TSEN2: variants seen among roughly 807,000 people sequenced by gnomAD.
The protein encoded by TSEN2 is tRNA-splicing endonuclease subunit Sen2.
A neutral mutation model predicts 59.2 loss-of-function variants in TSEN2; 54 were observed. That is an observed-to-expected ratio of 0.91 (90% CI 0.73 to 1.14). TSEN2 has a LOEUF of 1.14. TSEN2 is among the 50% of genes most tolerant of loss of function. The probability of loss-of-function intolerance (pLI) is 0.00; values close to 1 mark genes in which losing one functional copy is unlikely to be tolerated. For missense variants in TSEN2, 636 were observed against 576.2 expected, an observed-to-expected ratio of 1.10 and a Z score of -1.06; for synonymous variants, 195 against 198.2, an observed-to-expected ratio of 0.98 and a Z score of 0.14.
intron 3 of TSEN2, among the ~76,000 whole-genome samples, chr3:12,493,495 G>A (rs766040232): frequency 4.6e-5 from 7 of 152,176 alleles, no homozygotes; most frequent in Non-Finnish European, 1.0e-4. Context: ...TTGGGAGGCC[G>A]AGGCGGGCAG....
chr3:12,519,487 T>A (rs1196258191), intron 8 of TSEN2, among the ~76,000 whole-genome samples: 1 of 152,236 alleles, frequency 6.6e-6, no homozygotes, highest in Non-Finnish European at 1.5e-5. Context: ...GGCTTACGCA[T>A]GTAATCCCAG....
At chr3:12,503,147 A>G in intron 4 of TSEN2, 115 bp from the exon 5 acceptor site, 6 of 1,111,150 alleles carry the variant, frequency 5.4e-6, no homozygotes. Context: ...TGCACCATTC[A>G]ATAATACTGC....
downstream of TSEN2, among the ~76,000 whole-genome samples, chr3:12,534,283 A>G (rs1289801518): frequency 1.3e-5 from 2 of 152,154 alleles, no homozygotes; most frequent in Non-Finnish European, 2.9e-5. Flanking sequence ...CATGACGACC[A>G]CCTATGGATC....
rs773883937 is a variant in TSEN2, at chr3:12,519,059, G to A, written c.961G>A (p.Glu321Lys). The A allele has an allele frequency of 7.4e-6, 12 of 1,613,954 alleles. No individual in the cohort carries two copies. The East Asian group carries it at 2.4e-4, about 33-fold the overall frequency. ...LGCLSIYYEK[E>K]PLTIVKLWKA... Reference sequence around the variant, plus strand: ...TTTGTTTTTTTGTAAATAACTTTAGGAGCCTTTAACGATAGTGAAGCTCTG... The same window carrying A: ...TTTGTTTTTTTGTAAATAACTTTAGAAGCCTTTAACGATAGTGAAGCTCTG... The change falls in exon 8 of 12, where the codon GAG becomes AAG. Residue 321 changes from glutamate (E) to lysine (K), a missense_variant and splice_region_variant. By Grantham distance (56) the Glu-to-Lys change is moderately conservative. Coordinates refer to ENST00000284995, the MANE Select transcript of TSEN2 (RefSeq NM_025265.4).
chr3:12,529,708 T>C, intron 9 of TSEN2, 54 bp from the exon 10 acceptor site: 1 of 1,523,476 alleles, frequency 6.6e-7, no homozygotes, highest in Non-Finnish European at 9.1e-7. Flanking sequence ...AATATTCTTT[T>C]TAAACAGATT....
rs757875934 is a variant in TSEN2 at position 12,519,214 on chromosome 3, G to A, written c.1099+17G>A. 2.5e-5 allele frequency: 40 copies of A among 1,614,050 alleles called. No homozygotes were observed. The highest frequency in any genetic ancestry group is 1.3e-4 in the Admixed American group (8 of 60,012). On this transcript the variant is annotated intron_variant, in intron 8 of 11. Transcript: ENST00000284995. ...CAGATTTACGTAAGTAATTCTTGGCGTGGTGTGTGTGAGAATAGAGTTTAT... is the reference window on the plus strand; with the variant it reads ...CAGATTTACGTAAGTAATTCTTGGCATGGTGTGTGTGAGAATAGAGTTTAT...
chr3:12,515,291 A>C (rs2125129373), intron 6 of TSEN2, among the ~76,000 whole-genome samples: 1 of 152,286 alleles, frequency 6.6e-6, no homozygotes, highest in South Asian at 2.1e-4. Flanking sequence ...AAAGAAGCTG[A>C]GTGAGCAGTT....
chr3:12,491,582 G>A (rs559097567), intron 2 of TSEN2, among the ~76,000 whole-genome samples: 5 of 152,296 alleles, frequency 3.3e-5, no homozygotes, highest in South Asian at 4.1e-4. Context: ...TAGACTGAAA[G>A]CATTAGTTAT....
At chr3:12,507,383 A>G (rs930291436) in intron 6 of TSEN2, among the ~76,000 whole-genome samples, 8 of 152,164 alleles carry the variant, frequency 5.3e-5, no homozygotes, top group Non-Finnish European at 7.4e-5. Context: ...GCCTGTCAGA[A>G]CCTCAGATTT....
intron 2 of TSEN2, among the ~76,000 whole-genome samples, chr3:12,491,562 T>A (rs1214088528): frequency 1.3e-5 from 2 of 152,214 alleles, no homozygotes; most frequent in Non-Finnish European, 2.9e-5. Context: ...TGCCCTCGGC[T>A]TATCAGACCT....
upstream of TSEN2, chr3:12,484,439 C>T (rs1475440793): frequency 6.6e-6 from 1 of 152,268 alleles, no homozygotes; most frequent in Non-Finnish European, 1.5e-5. Context: ...GGCTTTGCGG[C>T]CGCACTGCTT....
At chr3:12,521,692 A>G (rs759025409) in intron 8 of TSEN2, among the ~76,000 whole-genome samples, 10 of 151,550 alleles carry the variant, frequency 6.6e-5, no homozygotes, top group Non-Finnish European at 1.3e-4. Context: ...TCCAGCCTGC[A>G]CAAGAGAGTA....
Position 12,516,442 on chromosome 3 carries a change from ATATATGTGTG to A in TSEN2, c.910-167_910-158del, listed in dbSNP as rs1369917612. Among the ~76,000 whole-genome samples the A allele has an allele frequency of 0.067, 5,959 of 89,102 alleles. 260 individuals are homozygous for A. The highest frequency in any genetic ancestry group is 0.16 in the African/African-American group (3,991 of 24,476). The allele number at this position is 89,102 out of a possible 152,430, so 58.5% of individuals were successfully genotyped here. A position where few individuals can be genotyped will look rare whatever the true frequency, so the allele number is the denominator to read the frequency against. On this transcript the variant is annotated intron_variant, in intron 6 of 11. Transcript: ENST00000284995. ...TCCGTTTCAAAAACAAACAAACAAA[ATATATGTGTG>A]TGTGTGTGTGTGTGTGTGTGTGTGT...
chr3:12,535,658 A>G (rs928217483), downstream of TSEN2, among the ~76,000 whole-genome samples: 1 of 152,102 alleles, frequency 6.6e-6, no homozygotes, highest in Non-Finnish European at 1.5e-5. Flanking sequence ...CAGCCTCCCA[A>G]GTAGCTGGGA....
intron 9 of TSEN2, among the ~76,000 whole-genome samples, chr3:12,529,277 C>A (rs2057306814): frequency 6.6e-6 from 1 of 151,982 alleles, no homozygotes; most frequent in Non-Finnish European, 1.5e-5. Context: ...CCAACCTGGC[C>A]AAGATAGTGA....
chr3:12,520,220 G>C (rs186500060), intron 8 of TSEN2, among the ~76,000 whole-genome samples: 14 of 152,240 alleles, frequency 9.2e-5, no homozygotes, highest in Non-Finnish European at 1.9e-4. Flanking sequence ...GGATGGTCTC[G>C]ATCTCCTGAG....
chr3:12,531,801 A>C (rs1304507586), intron 11 of TSEN2, 142 bp downstream of exon 11: 2 of 678,728 alleles, frequency 2.9e-6, no homozygotes, highest in Non-Finnish European at 5.3e-6. Flanking sequence ...TAAGTCTCTC[A>C]CCTTTTCCCC....
At position 12,489,951 on chromosome 3, in the gene TSEN2, G is replaced by A; in HGVS notation, c.151G>A (p.Val51Met). 1 of 1,614,188 alleles carries A rather than the reference G, an allele frequency of 6.2e-7. No individual in the cohort carries two copies. ...RAEMINNNVI[V>M]RNAEDIEQLY... The stretch of plus-strand genomic sequence containing the variant: ...TGAAATGATTAACAACAATGTGATT[G>A]TGAGGAATGCGGAGGACATTGAGCA... The change falls in exon 2 of 12, where the codon GTG becomes ATG. Residue 51 changes from valine (V) to methionine (M), a missense_variant. Val to Met is a conservative substitution (Grantham distance 21). Transcript: ENST00000284995.
chr3:12,524,923 T>C (rs1443370039), intron 8 of TSEN2, among the ~76,000 whole-genome samples: 1 of 151,964 alleles, frequency 6.6e-6, no homozygotes, highest in Non-Finnish European at 1.5e-5. Flanking sequence ...TTTGTATTTT[T>C]AGTAGAGACA....
Sources: allele counts gnomAD v4.1 joint callset (sites outside exome capture counted in the v4.1 genomes callset), GRCh38; gene constraint gnomAD v4.1.1; transcripts MANE v1.5; gene names NCBI Gene and HGNC (gene_info 2026-07-23, HGNC 2026-07-21).